The following RAP1GAP2 variants were observed in gnomAD, a reference collection of about 807,000 sequenced individuals.
RAP1GAP2 encodes the protein RAP1 GTPase activating protein 2, also known as rap1 GTPase-activating protein 2.
RAP1GAP2 carries 27 observed loss-of-function variants against 95.0 expected under a neutral mutation model. The ratio of observed to expected loss-of-function variants is 0.28; its 90% confidence interval spans 0.21 to 0.39. The LOEUF is 0.39. Ranked by LOEUF, RAP1GAP2 falls within the 10% of genes least tolerant of loss-of-function variation. The probability of loss-of-function intolerance (pLI) is 1.00; values close to 1 mark genes in which losing one functional copy is unlikely to be tolerated. For synonymous variants in RAP1GAP2, 373 were observed against 380.9 expected (o/e 0.98, Z 0.24); for missense variants, 771 against 970.0 (o/e 0.79, Z 2.72).
chr17:2,986,597 G>A (rs1008742859), intron 11 of RAP1GAP2, among the ~76,000 whole-genome samples: 4 of 151,188 alleles, frequency 2.6e-5, no homozygotes, highest in Non-Finnish European at 4.4e-5. Flanking sequence ...ACCTGCAGCT[G>A]GGGGACATTT....
intron 17 of RAP1GAP2, among the ~76,000 whole-genome samples, chr17:3,013,674 G>A (rs1269278019): frequency 9.5e-6 from 1 of 104,770 alleles, no homozygotes; most frequent in Non-Finnish European, 1.8e-5. Flanking sequence ...TTGAAAATTC[G>A]TGGTTTCTAA....
intron 18 of RAP1GAP2, among the ~76,000 whole-genome samples, chr17:3,018,932 G>A (rs9898933): frequency 0.027 from 4,077 of 152,140 alleles, 182 homozygotes; most frequent in African/African-American, 0.093. Flanking sequence ...GCGTGGTGGC[G>A]GGTGCCTGTA....
intron 2 of RAP1GAP2, among the ~76,000 whole-genome samples, chr17:2,771,086 C>CAAACAAAAAACCCAACAAAACA (rs2068382486): frequency 6.7e-6 from 1 of 150,236 alleles, no homozygotes; most frequent in Non-Finnish European, 1.5e-5. Context: ...CAACATAAAA[C>CAAACAAAAAACCCAACAAAACA]AAACAAAAAA....
At chr17:2,981,333 A>G (rs2045349205) in intron 10 of RAP1GAP2, 85 bp downstream of exon 10, 2 of 1,298,364 alleles carry the variant, frequency 1.5e-6, no homozygotes, top group South Asian at 1.3e-5. Flanking sequence ...AGTTCTCTGC[A>G]TCATAGTGGG....
At chr17:2,770,685 T>C (rs1325615290) in intron 2 of RAP1GAP2, among the ~76,000 whole-genome samples, 1 of 152,218 alleles carries the variant, frequency 6.6e-6, no homozygotes, top group East Asian at 1.9e-4. Context: ...GGATCATACT[T>C]TCCCTGACTT....
intron 10 of RAP1GAP2, among the ~76,000 whole-genome samples, chr17:2,981,500 A>C (rs916663803): frequency 2.0e-5 from 3 of 152,144 alleles, no homozygotes; most frequent in Non-Finnish European, 4.4e-5. Flanking sequence ...AGAGGGTAGC[A>C]GTGTTGTAGC....
At chr17:2,828,603 C>T (rs2070693051) in intron 2 of RAP1GAP2, among the ~76,000 whole-genome samples, 1 of 152,008 alleles carries the variant, frequency 6.6e-6, no homozygotes, top group Non-Finnish European at 1.5e-5. Context: ...TCCCCGTCCG[C>T]CAGCAGGTGG....
At chr17:2,819,094 C>G (rs1220823535) in intron 2 of RAP1GAP2, among the ~76,000 whole-genome samples, 2 of 151,224 alleles carry the variant, frequency 1.3e-5, no homozygotes, top group Non-Finnish European at 2.9e-5. Context: ...TCTTGGCTCA[C>G]TGCAAGCTCC....
chr17:3,026,324 C>T, intron 20 of RAP1GAP2, 26 bp from the exon 21 acceptor site: 3 of 1,527,826 alleles, frequency 2.0e-6, no homozygotes, highest in Non-Finnish European at 2.7e-6. Context: ...GTGACCCGGG[C>T]TGGCCTCACT....
rs142215958 is a variant in RAP1GAP2, at chr17:3,031,133, C to G, written c.2184+135C>G. 2,512 of 986,614 alleles carry G rather than the reference C, an allele frequency of 2.5e-3. 25 individuals carry two copies. The highest frequency in any genetic ancestry group is 0.025 in the African/African-American group (1,528 of 61,432). The allele number at this position is 986,614 out of a possible 1,614,324, so 61.1% of individuals were successfully genotyped here. ...GAGGCAGGGGAAGCTCTGGGGACGT[C>G]TGGCTCCAGCAGGTGCAGGCCGTGT... On this transcript the variant is annotated intron_variant, in intron 23 of 24. Coordinates refer to ENST00000254695, the MANE Select transcript of RAP1GAP2 (RefSeq NM_015085.5).
At chr17:2,789,587 G>A (rs1055506958) in intron 1 of RAP1GAP2, among the ~76,000 whole-genome samples, 5 of 129,178 alleles carry the variant, frequency 3.9e-5, no homozygotes, top group Non-Finnish European at 6.3e-5. Flanking sequence ...ATGGTGAAAC[G>A]ACTCACAGAC....
rs983523291 is a variant in RAP1GAP2 at position 2,902,416 on chromosome 17, C to A, written c.81-2868C>A. Among the ~76,000 whole-genome samples, 1 of 152,122 alleles carries A rather than the reference C, an allele frequency of 6.6e-6. No homozygotes were observed. Among genetic ancestry groups the A allele is most frequent in the Non-Finnish European group, 1.5e-5 (1 of 68,012 alleles). Reference sequence around the variant, plus strand: ...ATTTTTAGTAGAGACGGGGTTTCGCCACGTTGAACAGGCTGGTTTGGAACT... The same window carrying A: ...ATTTTTAGTAGAGACGGGGTTTCGCAACGTTGAACAGGCTGGTTTGGAACT... On this transcript the variant is annotated intron_variant, in intron 2 of 24. Coordinates refer to ENST00000254695, the MANE Select transcript of RAP1GAP2 (RefSeq NM_015085.5). This position sits in a 1 kb window ranked among gnomAD's most constrained non-coding sequence, Gnocchi z 4.1.
At chr17:2,928,315 T>G (rs1269016904) in intron 3 of RAP1GAP2, among the ~76,000 whole-genome samples, 2 of 152,228 alleles carry the variant, frequency 1.3e-5, no homozygotes, top group Non-Finnish European at 2.9e-5. Context: ...GTTCCCACAT[T>G]GATAATGACA....
At chr17:2,771,003 A>C (rs148301456) in intron 2 of RAP1GAP2, among the ~76,000 whole-genome samples, 151 of 152,180 alleles carry the variant, frequency 9.9e-4, no homozygotes, top group African/African-American at 3.5e-3. Context: ...GCCGCAGTTG[A>C]ACCACTGCAC....
At chr17:2,924,371 A>T (rs1242138654) in intron 3 of RAP1GAP2, among the ~76,000 whole-genome samples, 1 of 152,168 alleles carries the variant, frequency 6.6e-6, no homozygotes, top group African/African-American at 2.4e-5. Context: ...TTGTTAGCAA[A>T]TGACATGGCT....
intron 3 of RAP1GAP2, among the ~76,000 whole-genome samples, chr17:2,928,364 G>T (rs892122231): frequency 2.6e-5 from 4 of 152,086 alleles, no homozygotes; most frequent in Non-Finnish European, 5.9e-5. Context: ...TTCTAATCAC[G>T]CCACTGCTTC....
chr17:2,885,893 C>T (rs1402665073), intron 2 of RAP1GAP2, among the ~76,000 whole-genome samples: 1 of 152,218 alleles, frequency 6.6e-6, no homozygotes, highest in African/African-American at 2.4e-5. Context: ...GATGCATCAT[C>T]TTGTCACTTA....
Position 3,034,445 on chromosome 17 carries a change from G to A in RAP1GAP2, c.*1084G>A. On this transcript the variant is annotated 3_prime_UTR_variant, in exon 25 of 25. Transcript: ENST00000254695. This position sits in a 1 kb window ranked among gnomAD's most constrained non-coding sequence, Gnocchi z 5.1. ...CGGGTTCTGATCAGGCCCCTGGGTG[G>A]GGAAGGGGCACAGTGTCCCTCAGCA... 9.7e-6 allele frequency: 2 copies of A among 206,596 alleles called. No homozygotes were observed. Among genetic ancestry groups the A allele is most frequent in the Non-Finnish European group, 2.1e-5 (2 of 96,212 alleles). 12.8% of individuals were successfully genotyped at this position (206,596 alleles called of 1,614,324 possible).
At chr17:2,845,284 A>G (rs1196097004) in intron 2 of RAP1GAP2, among the ~76,000 whole-genome samples, 1 of 150,750 alleles carries the variant, frequency 6.6e-6, no homozygotes, top group Non-Finnish European at 1.5e-5. Flanking sequence ...CTGGGATTAC[A>G]GGCGCCCACC....
Sources: allele counts gnomAD v4.1 joint callset (sites outside exome capture counted in the v4.1 genomes callset), GRCh38; gene constraint gnomAD v4.1.1; non-coding constraint Gnocchi (gnomAD v3.1); transcripts MANE v1.5; gene names NCBI Gene and HGNC (gene_info 2026-07-23, HGNC 2026-07-21).